The following DGCR8 variants were observed in gnomAD, a reference collection of about 807,000 sequenced individuals.
DGCR8 encodes the protein microprocessor complex subunit DGCR8.
Under a neutral mutation model 78.5 loss-of-function variants are expected in DGCR8, and 14 were observed. The observed-to-expected ratio is 0.18, with a 90% CI of 0.12 to 0.28. The LOEUF (loss-of-function observed/expected upper bound fraction) is 0.28. Among genes scored for constraint, DGCR8 ranks in the 10% least tolerant of loss-of-function variants. The pLI is 1.00. For synonymous variants in DGCR8, 399 were observed against 402.4 expected, an observed-to-expected ratio of 0.99 and a Z score of 0.10; for missense variants, 702 against 1,022.5, an observed-to-expected ratio of 0.69 and a Z score of 4.28.
At chr22:20,104,730 A>G (rs1031283522) in intron 9 of DGCR8, among the ~76,000 whole-genome samples, 1 of 152,218 alleles carries the variant, frequency 6.6e-6, no homozygotes, top group Non-Finnish European at 1.5e-5. Context: ...CTGGGGACCT[A>G]TTTGAAGACA....
At chr22:20,100,122 A>G (rs1628967) in intron 9 of DGCR8, among the ~76,000 whole-genome samples, 31,784 of 151,480 alleles carry the variant, frequency 0.21, 3,632 homozygotes, top group Middle Eastern at 0.31. Context: ...GCTGGAGTGC[A>G]GTGGTTCGAT....
chr22:20,092,935 T>TA (rs1555878825), intron 8 of DGCR8, 28 bp downstream of exon 8: 1 of 1,580,944 alleles, frequency 6.3e-7, no homozygotes, highest in African/African-American at 1.3e-5. Flanking sequence ...GTGTCAAAGA[T>TA]ACGTGCTGCC....
At position 20,108,725 on chromosome 22, in the gene DGCR8, G is replaced by A. The variant is rs1449176505; in HGVS notation, c.2125-165G>A. 8 of 531,478 alleles carry A rather than the reference G, an allele frequency of 1.5e-5. No individual in the cohort carries two copies. The Admixed American group carries it at 2.0e-4, about 13-fold the overall frequency. 32.9% of individuals were successfully genotyped at this position (531,478 alleles called of 1,614,324 possible). A position where few individuals can be genotyped will look rare whatever the true frequency, so the allele number is the denominator to read the frequency against. ...TCAGTGGGCCTGGCATCACTGAGGC[G>A]GGCCAGTCAGCATGCAGTTATGTTG... On this transcript the variant is annotated intron_variant, in intron 12 of 13. Coordinates refer to ENST00000351989, the MANE Select transcript of DGCR8 (RefSeq NM_022720.7).
In DGCR8 at chr22:20,094,898, C is replaced by G. The variant is rs911319904; in HGVS notation, c.1788+103C>G. On this transcript the variant is annotated intron_variant, in intron 9 of 13. Coordinates refer to ENST00000351989, the MANE Select transcript of DGCR8 (RefSeq NM_022720.7). ...TGTCCGTGGGCTGTGCTCATGCCTT[C>G]CATGCCCTGTAGGTTAGTCTCATCC... is the stretch of plus-strand genomic sequence containing the variant. 2.1e-5 allele frequency: 20 copies of G among 968,804 alleles called. No homozygotes were observed. The African/African-American group carries it at 3.0e-4, about 15-fold the overall frequency. The allele number at this position is 968,804 out of a possible 1,614,324, so 60.0% of individuals were successfully genotyped here. A position where few individuals can be genotyped will look rare whatever the true frequency, so the allele number is the denominator to read the frequency against.
rs1358105785 is a variant in DGCR8, at chr22:20,089,508, G to A, written c.881-161G>A. ...GCCACATGCTATCTGTCCTAGGCCT[G>A]GAGGCATAGCAGTGAGCAAGGCAGA... On this transcript the variant is annotated intron_variant, in intron 3 of 13. Transcript: ENST00000351989. This position sits in a 1 kb window ranked among gnomAD's most constrained non-coding sequence, Gnocchi z 4.9. 6.6e-6 allele frequency among the ~76,000 whole-genome samples: 1 copy of A among 152,226 alleles called. No homozygotes were observed. Among genetic ancestry groups the A allele is most frequent in the Non-Finnish European group, 1.5e-5 (1 of 68,048 alleles).
intron 12 of DGCR8, chr22:20,108,663 C>T (rs2049798240): frequency 5.0e-6 from 2 of 396,092 alleles, no homozygotes; most frequent in Admixed American, 3.7e-5. Flanking sequence ...GCAGAAAGGC[C>T]TGGCAGCTAT....
rs866678232 is a variant in DGCR8 at position 20,111,722 on chromosome 22, C to G, written c.*1614C>G. ...TCTCTGTGCGCCCCCCCCCCCCCCC[C>G]ACCCGTCTGCCAAGCATGGGTATGA... On this transcript the variant is annotated 3_prime_UTR_variant, in exon 14 of 14. Transcript: ENST00000351989. 25 of 174,390 alleles carry G rather than the reference C, an allele frequency of 1.4e-4. No individual in the cohort carries two copies. Among genetic ancestry groups the G allele is most frequent in the Admixed American group, 3.3e-4 (4 of 12,128 alleles). The allele number at this position is 174,390 out of a possible 1,614,324, so 10.8% of individuals were successfully genotyped here.
Position 20,085,986 on chromosome 22 carries a change from C to T in DGCR8, c.23C>T (p.Ser8Phe), listed in dbSNP as rs752056211. The change falls in exon 2 of 14, where the codon TCT (serine) becomes TTT (phenylalanine). Residue 8 changes from serine to phenylalanine, a missense_variant. Transcript: ENST00000351989. This position sits in a 1 kb window ranked among gnomAD's most constrained non-coding sequence, Gnocchi z 6.2. Reference protein sequence around the residue: METDESPSPLPCGPAGEA... With the variant: METDESPFPLPCGPAGEA... ...AATATGGAGACAGATGAGAGCCCCT[C>T]TCCGCTCCCGTGTGGGCCCGCAGGA... 8.1e-6 allele frequency: 13 copies of T among 1,599,972 alleles called. No individual in the cohort carries two copies. The African/African-American group carries it at 1.5e-4, about 18-fold the overall frequency.
In DGCR8 at chr22:20,086,893, G is replaced by A; in HGVS notation, c.720+210G>A. On this transcript the variant is annotated intron_variant, in intron 2 of 13. Coordinates refer to ENST00000351989, the MANE Select transcript of DGCR8 (RefSeq NM_022720.7). The surrounding 1 kb of genome is among the most constrained non-coding windows in gnomAD (Gnocchi z 6.4). ...TCCTAATGAAAAGTTTGGCCCATGG[G>A]TAGGCCCTGCATCCCTGATCTAGCG... 1 of 769,434 alleles carries A rather than the reference G, an allele frequency of 1.3e-6. No individual in the cohort carries two copies. The highest frequency in any genetic ancestry group is 2.0e-6 in the Non-Finnish European group (1 of 497,358). The allele number at this position is 769,434 out of a possible 1,614,324, so 47.7% of individuals were successfully genotyped here.
chr22:20,081,162 TGGA>T (rs1208720123), intron 1 of DGCR8, among the ~76,000 whole-genome samples: 2 of 152,174 alleles, frequency 1.3e-5, no homozygotes, highest in Non-Finnish European at 2.9e-5. Flanking sequence ...TGAGGCCTGT[TGGA>T]GGATGACAAA....
At chr22:20,106,391 G>A in intron 10 of DGCR8, 114 bp downstream of exon 10, 3 of 960,064 alleles carry the variant, frequency 3.1e-6, no homozygotes, top group East Asian at 2.5e-5. Context: ...GTTTCCCTGG[G>A]TACACAGCAG....
intron 9 of DGCR8, chr22:20,096,337 CA>C: frequency 2.3e-6 from 1 of 434,416 alleles, no homozygotes; most frequent in Non-Finnish European, 3.1e-6. Context: ...CTTGGTATCT[CA>C]GGGGTGGCAG....
chr22:20,083,478 A>C (rs2049440151), intron 1 of DGCR8, among the ~76,000 whole-genome samples: 1 of 151,560 alleles, frequency 6.6e-6, no homozygotes, highest in Admixed American at 6.6e-5. Flanking sequence ...TTTCCTAAGG[A>C]GCTCACTCAC....
chr22:20,084,213 C>G (rs1395583734), intron 1 of DGCR8, among the ~76,000 whole-genome samples: 1 of 152,224 alleles, frequency 6.6e-6, no homozygotes, highest in Non-Finnish European at 1.5e-5. Flanking sequence ...TCCACCATGC[C>G]TTGTCCCTTG....
At position 20,089,544 on chromosome 22, in the gene DGCR8, G is replaced by A. The variant is rs560124124; in HGVS notation, c.881-125G>A. On this transcript the variant is annotated intron_variant, in intron 3 of 13. Coordinates refer to ENST00000351989, the MANE Select transcript of DGCR8 (RefSeq NM_022720.7). The surrounding 1 kb of genome is among the most constrained non-coding windows in gnomAD (Gnocchi z 4.9). The stretch of plus-strand genomic sequence containing the variant: ...AGTGAGCAAGGCAGAGAGGAATTTC[G>A]ATTATCTGTGAAGACCCAGTTAAAC... 85 of 1,062,276 alleles carry A rather than the reference G, an allele frequency of 8.0e-5. No homozygotes were observed. The African/African-American group carries it at 1.2e-3, about 15-fold the overall frequency. The allele number at this position is 1,062,276 out of a possible 1,614,324, so 65.8% of individuals were successfully genotyped here.
Position 20,085,715 on chromosome 22 carries a change from T to C in DGCR8, c.-249T>C. The C allele has an allele frequency of 1.5e-6, 2 of 1,324,532 alleles. No homozygotes were observed. Among genetic ancestry groups the C allele is most frequent in the African/African-American group, 1.5e-5 (1 of 66,362 alleles). 82.0% of individuals were successfully genotyped at this position (1,324,532 alleles called of 1,614,324 possible). A position where few individuals can be genotyped will look rare whatever the true frequency, so the allele number is the denominator to read the frequency against. On this transcript the variant is annotated 5_prime_UTR_variant, in exon 2 of 14. The change abolishes an upstream ATG in the 5' untranslated region. Coordinates refer to ENST00000351989, the MANE Select transcript of DGCR8 (RefSeq NM_022720.7). This position sits in a 1 kb window ranked among gnomAD's most constrained non-coding sequence, Gnocchi z 6.2. ...GAAGAAGAAAGGTGCCACTCCGGCA[T>C]GAAGACAGACTCGCTTAGTCGCCAG...
In DGCR8 at chr22:20,111,709, C is replaced by A. The variant is rs888946059; in HGVS notation, c.*1601C>A. 38 of 22,000 alleles carry A rather than the reference C, an allele frequency of 1.7e-3. No homozygotes were observed. Among genetic ancestry groups the A allele is most frequent in the African/African-American group, 7.1e-3 (35 of 4,920 alleles). The allele number at this position is 22,000 out of a possible 1,614,324, so 1.4% of individuals were successfully genotyped here. On this transcript the variant is annotated 3_prime_UTR_variant, in exon 14 of 14. Coordinates refer to ENST00000351989, the MANE Select transcript of DGCR8 (RefSeq NM_022720.7). ...CATACTCTTGTGGTCTCTGTGCGCC[C>A]CCCCCCCCCCCCCACCCGTCTGCCA...
chr22:20,093,273 C>T (rs890416942), intron 8 of DGCR8, among the ~76,000 whole-genome samples: 35 of 151,942 alleles, frequency 2.3e-4, no homozygotes, highest in Admixed American at 1.2e-3. Context: ...GGTGTGGTGG[C>T]GGGCACCTGT....
At chr22:20,090,349 G>A in intron 5 of DGCR8, 91 bp downstream of exon 5, 1 of 1,431,118 alleles carries the variant, frequency 7.0e-7, no homozygotes, top group Admixed American at 2.4e-5. Flanking sequence ...ATAGTTCCTA[G>A]TTGTACTTGT....
Sources: gnomAD v4.1 joint callset for allele counts (sites outside exome capture counted in the v4.1 genomes callset) on GRCh38, gnomAD v4.1.1 for gene constraint, Gnocchi (gnomAD v3.1) non-coding constraint, MANE v1.5 for transcripts, NCBI Gene and HGNC (gene_info 2026-07-23, HGNC 2026-07-21) for gene names.